The following GLCCI1 variants were observed in gnomAD, a reference collection of about 807,000 sequenced individuals.
GLCCI1 encodes glucocorticoid-induced transcript 1 protein.
GLCCI1 carries 24 observed loss-of-function variants against 52.2 expected under a neutral mutation model. The observed-to-expected ratio is 0.46, with a 90% confidence interval of 0.33 to 0.65. The LOEUF (loss-of-function observed/expected upper bound fraction) is 0.65. Ranked by LOEUF, GLCCI1 falls within the 30% of genes least tolerant of loss-of-function variation. The pLI, the probability that GLCCI1 is intolerant of heterozygous loss-of-function variation, is 0.02. For missense variants in GLCCI1, 704 were observed against 701.5 expected (o/e 1.00, Z -0.04); for synonymous variants, 310 against 276.5 (o/e 1.12, Z -1.20).
chr7:8,072,600 G>T (rs984816691), intron 6 of GLCCI1, among the ~76,000 whole-genome samples: 8 of 152,142 alleles, frequency 5.3e-5, no homozygotes, highest in African/African-American at 1.7e-4. Context: ...TCCAGTAGGA[G>T]TGTTTGTTTT....
intron 5 of GLCCI1, chr7:8,070,560 T>C (rs968715028): frequency 3.7e-5 from 6 of 162,532 alleles, no homozygotes; most frequent in African/African-American, 1.4e-4. Flanking sequence ...AAGTGATTTT[T>C]TTTTTAGCTT....
At position 8,073,940 on chromosome 7, in the gene GLCCI1, G is replaced by A. The variant is rs147616555; in HGVS notation, c.1177+2809G>A. 7.1e-3 allele frequency among the ~76,000 whole-genome samples: 1,082 copies of A among 152,050 alleles called. 20 individuals are homozygous for A. Among genetic ancestry groups the A allele is most frequent in the African/African-American group, 0.025 (1,017 of 41,504 alleles). ...GTAGCTCTCTGTTATGCAATACAAG[G>A]TTTCTAGTTCTCAAATCAAATACCA... is the stretch of plus-strand genomic sequence containing the variant. On this transcript the variant is annotated intron_variant, in intron 6 of 7. Coordinates refer to ENST00000223145, the MANE Select transcript of GLCCI1 (RefSeq NM_138426.4).
chr7:8,076,878 T>C (rs2127966952), intron 6 of GLCCI1, among the ~76,000 whole-genome samples: 1 of 152,316 alleles, frequency 6.6e-6, no homozygotes, highest in African/African-American at 2.4e-5. Flanking sequence ...TGCCCATTTT[T>C]TAATGGATAT....
chr7:7,981,843 A>C (rs1041919358), intron 1 of GLCCI1: 1 of 433,974 alleles, frequency 2.3e-6, no homozygotes, highest in African/African-American at 2.1e-5. Flanking sequence ...GGCAAAATAT[A>C]ATGTTGTACT....
At chr7:8,082,413 T>C (rs758528579) in intron 6 of GLCCI1, among the ~76,000 whole-genome samples, 1 of 152,142 alleles carries the variant, frequency 6.6e-6, no homozygotes, top group African/African-American at 2.4e-5. Context: ...AACATAGAAC[T>C]ATACAACAAG....
intron 6 of GLCCI1, 76 bp downstream of exon 6, chr7:8,071,207 T>C: frequency 3.4e-6 from 2 of 582,530 alleles, no homozygotes. Flanking sequence ...CCATTACATC[T>C]TTTTTTTTTT....
At chr7:8,082,136 G>A (rs904182850) in intron 6 of GLCCI1, among the ~76,000 whole-genome samples, 2 of 152,250 alleles carry the variant, frequency 1.3e-5, no homozygotes, top group East Asian at 1.9e-4. Flanking sequence ...TTATAATGTT[G>A]TTATTGAAAT....
chr7:7,989,958 C>T (rs192956611), intron 1 of GLCCI1, among the ~76,000 whole-genome samples: 50 of 152,050 alleles, frequency 3.3e-4, no homozygotes, highest in African/African-American at 1.1e-3. Context: ...TATAATGCTC[C>T]GAACATGCGT....
chr7:8,011,777 C>G (rs970630232), intron 2 of GLCCI1, among the ~76,000 whole-genome samples: 3 of 151,530 alleles, frequency 2.0e-5, no homozygotes, highest in Non-Finnish European at 4.4e-5. Context: ...GCACAGGGGT[C>G]CAGTTGTTTT....
intron 3 of GLCCI1, among the ~76,000 whole-genome samples, chr7:8,043,931 T>C (rs895086243): frequency 6.9e-6 from 1 of 144,032 alleles, no homozygotes; most frequent in Non-Finnish European, 1.5e-5. Flanking sequence ...TCAAAACTAT[T>C]GTTGAAGCAC....
chr7:8,046,487 A>T (rs1407049795), intron 3 of GLCCI1, among the ~76,000 whole-genome samples: 1 of 152,200 alleles, frequency 6.6e-6, no homozygotes, highest in Non-Finnish European at 1.5e-5. Flanking sequence ...TTTACAGTCT[A>T]TTCTCTCTGA....
Position 8,004,029 on chromosome 7 carries a change from C to T in GLCCI1, c.579C>T (p.Tyr193=), listed in dbSNP as rs778668522. 6.2e-7 allele frequency: 1 copy of T among 1,613,316 alleles called. No individual in the cohort carries two copies. The highest frequency in any genetic ancestry group is 1.3e-5 in the African/African-American group (1 of 74,876). ...GQWPRDPHVH[Y]PSCMKDKATQ... ...GGCCACGGGATCCTCATGTTCACTACCCTTCATGCATGAAAGACAAAGCTA... is the reference window on the plus strand; with the variant it reads ...GGCCACGGGATCCTCATGTTCACTATCCTTCATGCATGAAAGACAAAGCTA... Residue 193 remains tyrosine, a synonymous_variant, in exon 2 of 8, where the codon TAC becomes TAT. Transcript: ENST00000223145.
chr7:8,045,978 T>C (rs1782115598), intron 3 of GLCCI1, among the ~76,000 whole-genome samples: 1 of 144,916 alleles, frequency 6.9e-6, no homozygotes, highest in Admixed American at 6.8e-5. Flanking sequence ...AAAAAAAACC[T>C]TATAAATGTT....
At chr7:8,063,589 G>T (rs1250713195) in intron 5 of GLCCI1, among the ~76,000 whole-genome samples, 1 of 148,414 alleles carries the variant, frequency 6.7e-6, no homozygotes, top group African/African-American at 2.5e-5. Context: ...GTGTCTGTGC[G>T]TGTGATTTGC....
At chr7:7,981,702 G>A (rs1248091398) in intron 1 of GLCCI1, 2 of 250,650 alleles carry the variant, frequency 8.0e-6, no homozygotes, top group Non-Finnish European at 1.6e-5. Flanking sequence ...ATGGATTTTA[G>A]CCAGTCTGTT....
intron 3 of GLCCI1, among the ~76,000 whole-genome samples, chr7:8,053,830 C>G (rs1782323992): frequency 6.6e-6 from 1 of 152,032 alleles, no homozygotes; most frequent in South Asian, 2.1e-4. Flanking sequence ...CAAAGAAGGT[C>G]TGTCTTTGGA....
chr7:8,048,043 T>C (rs920230727), intron 3 of GLCCI1, among the ~76,000 whole-genome samples: 12 of 152,174 alleles, frequency 7.9e-5, no homozygotes, highest in Admixed American at 5.9e-4. Context: ...TTCTGACCTC[T>C]GTGGAGTTGG....
intron 3 of GLCCI1, among the ~76,000 whole-genome samples, chr7:8,032,504 A>T (rs576943632): frequency 1.3e-5 from 2 of 152,082 alleles, no homozygotes; most frequent in Admixed American, 1.3e-4. Flanking sequence ...ATTTAGCTAC[A>T]CTGACTAGAA....
At chr7:8,027,745 A>G (rs920196049) in intron 3 of GLCCI1, among the ~76,000 whole-genome samples, 9 of 152,182 alleles carry the variant, frequency 5.9e-5, no homozygotes, top group Admixed American at 5.2e-4. Flanking sequence ...ACCTATAAAG[A>G]TAAACATAGA....
Sources: gnomAD v4.1 joint callset for allele counts (sites outside exome capture counted in the v4.1 genomes callset) on GRCh38, gnomAD v4.1.1 for gene constraint, MANE v1.5 for transcripts, NCBI Gene and HGNC (gene_info 2026-07-23, HGNC 2026-07-21) for gene names.